Variants in EYS observed in about 807,000 individuals in gnomAD.
EYS encodes protein eyes shut homolog.
In EYS, 250 loss-of-function variants were observed where a neutral mutation model predicts 282.1. The ratio of observed to expected loss-of-function variants is 0.89; its 90% confidence interval spans 0.80 to 0.98. EYS has a LOEUF of 0.98. Among genes scored for constraint, EYS ranks in the 50% least tolerant of loss-of-function variants. The probability of loss-of-function intolerance (pLI) is 0.00; values close to 1 mark genes in which losing one functional copy is unlikely to be tolerated. For missense variants in EYS, 4,016 were observed against 3,709.0 expected (o/e 1.08, Z -2.15); for synonymous variants, 1,355 against 1,282.9 (o/e 1.06, Z -1.20).
intron 19 of EYS, among the ~76,000 whole-genome samples, chr6:64,839,966 A>T (rs1019429984): frequency 6.6e-6 from 1 of 152,026 alleles, no homozygotes; most frequent in Admixed American, 6.6e-5. Context: ...ATTTTGGGGG[A>T]CATTCAGACT....
chr6:63,918,969 G>A (rs1764494066), intron 35 of EYS, among the ~76,000 whole-genome samples: 1 of 152,176 alleles, frequency 6.6e-6, no homozygotes, highest in Admixed American at 6.5e-5. Flanking sequence ...TCCTTTGCAA[G>A]CCTGGCATTA....
chr6:64,332,406 A>G (rs1249567319), intron 29 of EYS, among the ~76,000 whole-genome samples: 2 of 152,212 alleles, frequency 1.3e-5, no homozygotes, highest in African/African-American at 4.8e-5. Flanking sequence ...TCACAGATGC[A>G]GTATATCCCT....
intron 26 of EYS, among the ~76,000 whole-genome samples, chr6:64,518,950 G>A (rs141949134): frequency 1.8e-4 from 28 of 151,938 alleles, no homozygotes; most frequent in Middle Eastern, 3.4e-3. Context: ...TCTCCAGTAT[G>A]TCTTTTTTAG....
At chr6:63,844,050 C>T (rs1772034445) in intron 36 of EYS, among the ~76,000 whole-genome samples, 1 of 152,130 alleles carries the variant, frequency 6.6e-6, no homozygotes, top group Non-Finnish European at 1.5e-5. Flanking sequence ...GTTCCCCTCC[C>T]TGTGTCCATG....
intron 14 of EYS, among the ~76,000 whole-genome samples, chr6:64,995,288 C>A (rs1771212718): frequency 6.6e-6 from 1 of 152,162 alleles, no homozygotes; most frequent in Non-Finnish European, 1.5e-5. Context: ...ACTTTTCATG[C>A]AACTCCAATG....
intron 12 of EYS, among the ~76,000 whole-genome samples, chr6:65,101,119 A>T (rs1030980200): frequency 4.0e-5 from 6 of 151,150 alleles, no homozygotes; most frequent in African/African-American, 1.5e-4. Flanking sequence ...ATTACATGTC[A>T]AAAGGAATGA....
chr6:65,241,413 T>G (rs1767055644), intron 12 of EYS, among the ~76,000 whole-genome samples: 1 of 151,970 alleles, frequency 6.6e-6, no homozygotes, highest in South Asian at 2.1e-4. Flanking sequence ...CACTAAAGAG[T>G]CAGTAGCAAA....
At chr6:64,592,452 T>C (rs1766442641) in intron 25 of EYS, among the ~76,000 whole-genome samples, 2 of 152,132 alleles carry the variant, frequency 1.3e-5, no homozygotes, top group South Asian at 4.1e-4. Context: ...AGAAATTACA[T>C]AGATGAAAAA....
chr6:65,334,089 T>C (rs1382739249), intron 11 of EYS, among the ~76,000 whole-genome samples: 1 of 151,776 alleles, frequency 6.6e-6, no homozygotes, highest in African/African-American at 2.4e-5. Context: ...TTGACTGAAT[T>C]TCTGAAATCA....
chr6:63,822,274 C>A (rs1253759095), intron 36 of EYS: 1 of 152,078 alleles, frequency 6.6e-6, no homozygotes, highest in Non-Finnish European at 1.5e-5. Flanking sequence ...CCACCATGCC[C>A]AGCTAATTTT....
intron 1 of EYS, among the ~76,000 whole-genome samples, chr6:65,678,267 C>G (rs534141543): frequency 4.6e-5 from 7 of 152,016 alleles, no homozygotes; most frequent in South Asian, 4.1e-4. Flanking sequence ...ACATTCCCCA[C>G]GAAGCCCTAT....
rs144108322 is a variant in EYS at position 64,896,443 on chromosome 6, C to A, written c.2846+5670G>T. On this transcript the variant is annotated intron_variant, in intron 18 of 42. Coordinates refer to ENST00000503581, the MANE Select transcript of EYS (RefSeq NM_001142800.2). ...TCTCATGGTCATTGAAACCCACAGA[C>A]CAGGAGTTTCCCTCAGGTGCCTACA... Among the ~76,000 whole-genome samples, 819 of 152,246 alleles carry A rather than the reference C, an allele frequency of 5.4e-3. 4 individuals carry two copies. The highest frequency in any genetic ancestry group is 0.018 in the African/African-American group (765 of 41,560).
chr6:64,090,566 C>T (rs1772321662), intron 31 of EYS, among the ~76,000 whole-genome samples: 1 of 152,066 alleles, frequency 6.6e-6, no homozygotes, highest in Admixed American at 6.6e-5. Context: ...CTGTGAGTTC[C>T]TTAAATGCAG....
intron 29 of EYS, among the ~76,000 whole-genome samples, chr6:64,370,800 G>A (rs778978163): frequency 6.6e-5 from 10 of 151,692 alleles, no homozygotes; most frequent in Non-Finnish European, 1.5e-4. Context: ...TGTCTAGCTC[G>A]CATGCATAGA....
chr6:65,584,122 A>G (rs74885310), intron 2 of EYS, among the ~76,000 whole-genome samples: 139 of 152,172 alleles, frequency 9.1e-4, no homozygotes, highest in African/African-American at 3.3e-3. Flanking sequence ...CTTTGATACT[A>G]TGTCTCTAGT....
chr6:64,894,058 T>C (rs764691330), intron 18 of EYS, among the ~76,000 whole-genome samples: 3 of 152,112 alleles, frequency 2.0e-5, no homozygotes, highest in Non-Finnish European at 4.4e-5. Flanking sequence ...CACATTATTC[T>C]GAGACTTATT....
At chr6:64,509,262 T>G (rs767658933) in intron 26 of EYS, among the ~76,000 whole-genome samples, 1 of 152,166 alleles carries the variant, frequency 6.6e-6, no homozygotes, top group Non-Finnish European at 1.5e-5. Context: ...AGGCACTGTA[T>G]TTGCTGAAAC....
chr6:64,886,363 T>C (rs76138040), intron 19 of EYS, among the ~76,000 whole-genome samples: 9,150 of 152,042 alleles, frequency 0.06, 301 homozygotes, highest in East Asian at 0.17. Flanking sequence ...ATGACAGTTT[T>C]GTAACAGATA....
At chr6:65,265,082 A>G (rs780917157) in intron 12 of EYS, among the ~76,000 whole-genome samples, 9 of 151,972 alleles carry the variant, frequency 5.9e-5, no homozygotes, top group South Asian at 2.1e-4. Flanking sequence ...CAGAAATTGG[A>G]GACTATTAGT....
Sources: allele counts gnomAD v4.1 joint callset (sites outside exome capture counted in the v4.1 genomes callset), GRCh38; gene constraint gnomAD v4.1.1; transcripts MANE v1.5; gene names NCBI Gene and HGNC (gene_info 2026-07-23, HGNC 2026-07-21).